Variants in ADK observed in about 807,000 individuals in gnomAD.
ADK encodes the protein adenosine kinase.
In ADK, 24 loss-of-function variants were observed where a neutral mutation model predicts 44.7. The observed-to-expected ratio is 0.54, with a 90% CI of 0.39 to 0.76. The LOEUF (loss-of-function observed/expected upper bound fraction) is 0.76, where lower values mean the gene tolerates loss of function less well. Ranked by LOEUF, ADK falls within the 30% of genes least tolerant of loss-of-function variation. The pLI is 0.00. For synonymous variants in ADK, 128 were observed against 142.6 expected (o/e 0.90, Z 0.73); for missense variants, 321 against 425.1 (o/e 0.76, Z 2.15).
chr10:74,602,027 C>T (rs1333065985), intron 9 of ADK, among the ~76,000 whole-genome samples: 1 of 149,048 alleles, frequency 6.7e-6, no homozygotes, highest in Non-Finnish European at 1.5e-5. Flanking sequence ...ATCACTTGAG[C>T]CCAGAAGTTC....
chr10:74,604,468 A>G (rs1443167952), intron 9 of ADK, among the ~76,000 whole-genome samples: 1 of 152,158 alleles, frequency 6.6e-6, no homozygotes, highest in Non-Finnish European at 1.5e-5. Context: ...TTTTCTCTAT[A>G]TGGCTAGTCA....
At chr10:74,498,804 A>G (rs1847787081) in intron 6 of ADK, among the ~76,000 whole-genome samples, 1 of 152,106 alleles carries the variant, frequency 6.6e-6, no homozygotes, top group African/African-American at 2.4e-5. Context: ...CTTGGAACCA[A>G]CCCAAATGTC....
chr10:74,435,961 T>C (rs564555737), intron 6 of ADK, among the ~76,000 whole-genome samples: 1 of 152,300 alleles, frequency 6.6e-6, no homozygotes, highest in African/African-American at 2.4e-5. Flanking sequence ...TTTAAATCTA[T>C]ACACAAAAAA....
rs373540322 is a variant in ADK, at chr10:74,353,757, A to G, written c.273+39012A>G. On this transcript the variant is annotated intron_variant, in intron 4 of 10. Transcript: ENST00000539909. Reference sequence around the variant, plus strand: ...GTGGCGGGCATCTGTAGTCCCAGCTACTTGGGAGGCTGAGGCAGGAGAATG... The same window carrying G: ...GTGGCGGGCATCTGTAGTCCCAGCTGCTTGGGAGGCTGAGGCAGGAGAATG... Among the ~76,000 whole-genome samples the G allele has an allele frequency of 1.1e-3, 170 of 152,118 alleles. 3 individuals carry two copies. The South Asian group carries it at 0.034, about 30-fold the overall frequency.
intron 2 of ADK, among the ~76,000 whole-genome samples, chr10:74,214,737 G>T (rs997485021): frequency 1.3e-5 from 2 of 152,220 alleles, no homozygotes; most frequent in Admixed American, 1.3e-4. Context: ...ATTTAAAAGT[G>T]CCCTTTCCTC....
intron 2 of ADK, among the ~76,000 whole-genome samples, chr10:74,208,360 C>T (rs1843679760): frequency 6.6e-6 from 1 of 152,210 alleles, no homozygotes; most frequent in East Asian, 1.9e-4. Flanking sequence ...CCAATTGTAG[C>T]CAGTGTCTTT....
At chr10:74,347,425 G>T (rs1247634792) in intron 4 of ADK, among the ~76,000 whole-genome samples, 1 of 152,156 alleles carries the variant, frequency 6.6e-6, no homozygotes, top group Non-Finnish European at 1.5e-5. Flanking sequence ...GCAATCCGCA[G>T]ATCAGGAGAT....
intron 7 of ADK, among the ~76,000 whole-genome samples, chr10:74,546,650 G>C (rs1330936903): frequency 1.3e-5 from 2 of 151,936 alleles, no homozygotes; most frequent in Non-Finnish European, 2.9e-5. Context: ...TATATAGTAG[G>C]GCAGATGGAA....
intron 2 of ADK, among the ~76,000 whole-genome samples, chr10:74,211,846 T>A (rs1219759629): frequency 6.6e-6 from 1 of 152,184 alleles, no homozygotes. Context: ...TCTTTTTATA[T>A]GTTTATATTT....
chr10:74,191,412 T>C (rs1010426230), intron 1 of ADK, among the ~76,000 whole-genome samples: 25 of 151,738 alleles, frequency 1.6e-4, no homozygotes, highest in African/African-American at 5.6e-4. Flanking sequence ...TATTTTAAAA[T>C]ATAAAGACAG....
At position 74,600,388 on chromosome 10, in the gene ADK, A is replaced by G. The variant is rs777313272; in HGVS notation, c.772A>G (p.Ile258Val). 8.7e-6 allele frequency: 14 copies of G among 1,608,482 alleles called. No homozygotes were observed. The highest frequency in any genetic ancestry group is 1.3e-5 in the African/African-American group (1 of 74,662). The part of the protein sequence containing the change: ...AREQGFETKD[I>V]KEIAKKTQAL... ...TTCCTTCTATTAATAGACTAAAGAC[A>G]TTAAAGAGATAGCCAAAAAGACACA... The change falls in exon 9 of 11, where the codon ATT (isoleucine) becomes GTT (valine). Residue 258 changes from isoleucine (I) to valine (V), a missense_variant. By Grantham distance (29) the Ile-to-Val change is conservative (BLOSUM62 3). Coordinates refer to ENST00000539909, the MANE Select transcript of ADK (RefSeq NM_006721.4).
At chr10:74,333,629 T>C (rs1841302322) in intron 4 of ADK, among the ~76,000 whole-genome samples, 1 of 152,112 alleles carries the variant, frequency 6.6e-6, no homozygotes, top group Non-Finnish European at 1.5e-5. Flanking sequence ...GATATCTTGA[T>C]TGAGAGAGCT....
chr10:74,371,671 T>A (rs1447371490), intron 4 of ADK: 7 of 1,052,098 alleles, frequency 6.7e-6, no homozygotes, highest in Non-Finnish European at 1.0e-5. Flanking sequence ...AGTGATGGCA[T>A]CCACATCGTA....
At chr10:74,554,811 A>G (rs1850178560) in intron 7 of ADK, among the ~76,000 whole-genome samples, 1 of 151,726 alleles carries the variant, frequency 6.6e-6, no homozygotes, top group South Asian at 2.1e-4. Context: ...TGTTGTAGTG[A>G]AGCAGTGTTT....
chr10:74,629,730 C>T (rs1853343775), intron 9 of ADK, among the ~76,000 whole-genome samples: 1 of 152,146 alleles, frequency 6.6e-6, no homozygotes, highest in Non-Finnish European at 1.5e-5. Flanking sequence ...GACTTCACAT[C>T]ACACTGGTGA....
intron 9 of ADK, among the ~76,000 whole-genome samples, chr10:74,622,283 T>C (rs929386858): frequency 2.0e-5 from 3 of 152,174 alleles, no homozygotes; most frequent in African/African-American, 7.2e-5. Context: ...TCTCAGCCTC[T>C]TACCCGACAC....
intron 3 of ADK, among the ~76,000 whole-genome samples, chr10:74,306,983 T>C (rs1011112286): frequency 6.6e-6 from 1 of 152,206 alleles, no homozygotes; most frequent in South Asian, 2.1e-4. Context: ...CCTTATGTAA[T>C]TGCTAAAATC....
chr10:74,534,333 G>A (rs371732305), intron 7 of ADK, among the ~76,000 whole-genome samples: 7 of 152,100 alleles, frequency 4.6e-5, no homozygotes, highest in African/African-American at 1.7e-4. Flanking sequence ...TTTAAAAGTA[G>A]GAAACATTAT....
intron 10 of ADK, 139 bp from the exon 11 acceptor site, chr10:74,708,182 C>T (rs769362986): frequency 2.7e-4 from 220 of 821,886 alleles, no homozygotes; most frequent in Non-Finnish European, 3.9e-4. Context: ...ACCTCCCTAA[C>T]GGTAACGCAC....
Sources: allele counts gnomAD v4.1 joint callset (sites outside exome capture counted in the v4.1 genomes callset), GRCh38; gene constraint gnomAD v4.1.1; transcripts MANE v1.5; gene names NCBI Gene and HGNC (gene_info 2026-07-23, HGNC 2026-07-21).